The following PDE4D variants were observed in gnomAD, a reference collection of about 807,000 sequenced individuals.
The protein encoded by PDE4D is 3',5'-cyclic-AMP phosphodiesterase 4D.
In PDE4D, 24 loss-of-function variants were observed where a neutral mutation model predicts 87.4. The ratio of observed to expected loss-of-function variants is 0.27; its 90% confidence interval spans 0.20 to 0.39. PDE4D has a LOEUF of 0.39. Ranked by LOEUF, PDE4D falls within the 10% of genes least tolerant of loss-of-function variation. The pLI is 1.00. For synonymous variants in PDE4D, 384 were observed against 383.2 expected (o/e 1.00, Z -0.02); for missense variants, 714 against 1,041.0 (o/e 0.69, Z 4.32).
intron 1 of PDE4D, among the ~76,000 whole-genome samples, chr5:60,483,351 C>T (rs927628850): frequency 6.6e-6 from 1 of 152,044 alleles, no homozygotes; most frequent in Non-Finnish European, 1.5e-5. Flanking sequence ...ATATTTCTAC[C>T]CAGTACTTTT....
intron 5 of PDE4D, among the ~76,000 whole-genome samples, chr5:59,143,743 A>G (rs191449815): frequency 3.0e-4 from 46 of 152,356 alleles, no homozygotes; most frequent in Admixed American, 7.2e-4. Context: ...TATTTAATTC[A>G]TGTGCTTCTA....
chr5:59,131,524 G>A (rs1203025528), intron 5 of PDE4D, among the ~76,000 whole-genome samples: 2 of 151,656 alleles, frequency 1.3e-5, no homozygotes, highest in African/African-American at 2.4e-5. Flanking sequence ...TGAACAGCAC[G>A]GGCGTGTGGT....
At chr5:59,295,966 G>A (rs954729144) in intron 1 of PDE4D, among the ~76,000 whole-genome samples, 2 of 152,076 alleles carry the variant, frequency 1.3e-5, no homozygotes, top group Non-Finnish European at 2.9e-5. Context: ...TTGAAAGGAG[G>A]TAGCTGCTAT....
At chr5:60,363,659 G>T (rs1183159246) in intron 1 of PDE4D, among the ~76,000 whole-genome samples, 1 of 152,208 alleles carries the variant, frequency 6.6e-6, no homozygotes, top group African/African-American at 2.4e-5. Context: ...TACTGTGATA[G>T]GAGAAGTGGC....
chr5:60,055,582 G>A (rs934227868), intron 2 of PDE4D, among the ~76,000 whole-genome samples: 2 of 152,006 alleles, frequency 1.3e-5, no homozygotes, highest in African/African-American at 2.4e-5. Context: ...TATGAAAGTC[G>A]TGACTGCATA....
chr5:59,228,260 AGGGTG>A (rs997616403), intron 1 of PDE4D, among the ~76,000 whole-genome samples: 1 of 152,038 alleles, frequency 6.6e-6, no homozygotes, highest in African/African-American at 2.4e-5. Context: ...TTGAGGATGG[AGGGTG>A]GGAGGAGAGA....
chr5:59,871,313 A>G (rs1747786874), intron 1 of PDE4D, among the ~76,000 whole-genome samples: 1 of 152,144 alleles, frequency 6.6e-6, no homozygotes, highest in Admixed American at 6.5e-5. Context: ...TGGTTAAGAA[A>G]TTGATTCTGC....
At chr5:60,350,232 A>C (rs1759063649) in intron 1 of PDE4D, among the ~76,000 whole-genome samples, 1 of 152,126 alleles carries the variant, frequency 6.6e-6, no homozygotes, top group Admixed American at 6.5e-5. Flanking sequence ...CGAGCCTATC[A>C]GTCAGTCTTG....
intron 2 of PDE4D, among the ~76,000 whole-genome samples, chr5:60,063,146 GA>G (rs1771655091): frequency 4.1e-5 from 6 of 145,402 alleles, no homozygotes; most frequent in African/African-American, 1.3e-4. Flanking sequence ...AAGAAAGAAA[GA>G]AAGAAAGAAG....
chr5:59,363,785 C>CT (rs1782604118), intron 1 of PDE4D, among the ~76,000 whole-genome samples: 2 of 152,088 alleles, frequency 1.3e-5, no homozygotes, highest in African/African-American at 4.8e-5. Context: ...TCTTTCAATT[C>CT]CTAATTCCAG....
intron 1 of PDE4D, among the ~76,000 whole-genome samples, chr5:60,242,625 T>C (rs1195396448): frequency 6.6e-6 from 1 of 151,934 alleles, no homozygotes; most frequent in African/African-American, 2.4e-5. Flanking sequence ...TGAAATAATA[T>C]CAACTATCTC....
intron 1 of PDE4D, among the ~76,000 whole-genome samples, chr5:59,279,362 T>C (rs1765398942): frequency 6.6e-6 from 1 of 152,078 alleles, no homozygotes; most frequent in Non-Finnish European, 1.5e-5. Flanking sequence ...TTGAGAAATA[T>C]TGTGTTATTT....
chr5:60,079,823 T>C (rs940971092), intron 2 of PDE4D, among the ~76,000 whole-genome samples: 1 of 152,236 alleles, frequency 6.6e-6, no homozygotes, highest in Non-Finnish European at 1.5e-5. Context: ...GCCTCCAGCT[T>C]TGCTTTTTTT....
At chr5:60,264,648 AG>A (rs1023544459) in intron 1 of PDE4D, among the ~76,000 whole-genome samples, 9 of 152,348 alleles carry the variant, frequency 5.9e-5, no homozygotes, top group African/African-American at 2.2e-4. Context: ...TCTCAAGAAA[AG>A]TACATCAATC....
chr5:58,989,772 A>C lies in PDE4D; in HGVS notation c.1435T>G (p.Ser479Ala), dbSNP rs2153338237. ...DVVQSTHVLL[S>A]TPALEAVFTD... ...AGATTTACCTCCAAAGCAGGTGTAG[A>C]TAATAGCACATGAGTAGACTGGACA... Residue 479 changes from serine to alanine, a missense_variant, in exon 10 of 15, where the codon TCT becomes GCT. By Grantham distance (99) the Ser-to-Ala change is moderately conservative. Transcript: ENST00000340635. 6.2e-7 allele frequency: 1 copy of C among 1,603,878 alleles called. No homozygotes were observed. Among genetic ancestry groups the C allele is most frequent in the East Asian group, 2.2e-5 (1 of 44,634 alleles).
At chr5:59,433,843 T>C (rs887286503) in intron 1 of PDE4D, among the ~76,000 whole-genome samples, 3 of 152,090 alleles carry the variant, frequency 2.0e-5, no homozygotes, top group Non-Finnish European at 4.4e-5. Flanking sequence ...CGTTGCAACG[T>C]TAATAATGCC....
chr5:60,141,415 A>G (rs1780525303), intron 2 of PDE4D, among the ~76,000 whole-genome samples: 1 of 152,200 alleles, frequency 6.6e-6, no homozygotes, highest in African/African-American at 2.4e-5. Flanking sequence ...CAGCAACAGA[A>G]CAAGTAAGAA....
chr5:59,504,900 A>ATGTG (rs1458379532), intron 1 of PDE4D, among the ~76,000 whole-genome samples: 2 of 107,374 alleles, frequency 1.9e-5, no homozygotes, highest in East Asian at 2.5e-4. Context: ...TGGTAGGGGT[A>ATGTG]TATGTGTGTG....
intron 3 of PDE4D, among the ~76,000 whole-genome samples, chr5:59,923,231 G>A (rs1754869352): frequency 6.6e-6 from 1 of 152,178 alleles, no homozygotes; most frequent in Non-Finnish European, 1.5e-5. Flanking sequence ...TCTCACTTCA[G>A]GTCCTGGCTC....
Sources: gnomAD v4.1 joint callset for allele counts (sites outside exome capture counted in the v4.1 genomes callset) on GRCh38, gnomAD v4.1.1 for gene constraint, MANE v1.5 for transcripts, NCBI Gene and HGNC (gene_info 2026-07-23, HGNC 2026-07-21) for gene names.